The following CNKSR2 variants were observed in gnomAD, a reference collection of about 807,000 sequenced individuals.
CNKSR2 encodes CNK homolog protein 2.
Under a neutral mutation model 84.4 loss-of-function variants are expected in CNKSR2, and 14 were observed. That is an observed-to-expected ratio of 0.17 (90% CI 0.11 to 0.26). The LOEUF is 0.26. Among genes scored for constraint, CNKSR2 ranks in the 10% least tolerant of loss-of-function variants. The pLI is 1.00. For missense variants in CNKSR2, 485 were observed against 771.2 expected (o/e 0.63, Z 4.40); for synonymous variants, 275 against 277.9 (o/e 0.99, Z 0.10).
intron 11 of CNKSR2, among the ~76,000 whole-genome samples, chrX:21,548,131 C>T (rs752228685): frequency 9.0e-6 from 1 of 111,488 alleles, no homozygotes; most frequent in Admixed American, 9.5e-5. Flanking sequence ...TCAGTGAATC[C>T]AAGAGGTGGT....
At chrX:21,601,895 T>A (rs1016903496) in intron 18 of CNKSR2, among the ~76,000 whole-genome samples, 4 of 111,970 alleles carry the variant, frequency 3.6e-5, no homozygotes, top group Admixed American at 2.8e-4. Context: ...TGGTCATCGT[T>A]CTTAGGTGGC....
chrX:21,439,833 T>G (rs1340113772), intron 3 of CNKSR2, among the ~76,000 whole-genome samples: 1 of 110,701 alleles, frequency 9.0e-6, no homozygotes, highest in Non-Finnish European at 1.9e-5. Flanking sequence ...CATTGTTGAA[T>G]TTTATATATT....
In CNKSR2 at chrX:21,434,805, TA is replaced by T. The variant is rs982511456; in HGVS notation, c.431+1999del. Among the ~76,000 whole-genome samples the T allele has an allele frequency of 1.4e-4, 15 of 109,405 alleles. 1 individual carries two copies. The East Asian group carries it at 2.3e-3, about 17-fold the overall frequency. ...GGAGAAAGAAAAAGAAAGAATAGGTTAAAAAAAATCTTTAATTTTATTCTAG... is the reference window on the plus strand; with the variant it reads ...GGAGAAAGAAAAAGAAAGAATAGGTTAAAAAAATCTTTAATTTTATTCTAG... On this transcript the variant is annotated intron_variant, in intron 3 of 21. Coordinates refer to ENST00000379510, the MANE Select transcript of CNKSR2 (RefSeq NM_014927.5).
chrX:21,643,068 A>T (rs997826865), intron 20 of CNKSR2: 59 of 110,650 alleles, frequency 5.3e-4, no homozygotes, highest in Non-Finnish European at 9.3e-4. Context: ...TTTTTTTTTC[A>T]TTAAGGAATA....
chrX:21,521,870 G>A (rs2091787870), intron 9 of CNKSR2, among the ~76,000 whole-genome samples: 1 of 110,490 alleles, frequency 9.1e-6, no homozygotes. Flanking sequence ...TTATAAATTT[G>A]CATTCTAGAA....
chrX:21,631,839 A>G (rs765724318), intron 20 of CNKSR2, among the ~76,000 whole-genome samples: 134 of 112,345 alleles, frequency 1.2e-3, no homozygotes, highest in Non-Finnish European at 2.1e-3. Context: ...GTGAAATGCA[A>G]ATGTTAGTAC....
chrX:21,573,314 G>T (rs1011480947), intron 13 of CNKSR2, among the ~76,000 whole-genome samples: 1 of 112,125 alleles, frequency 8.9e-6, no homozygotes, highest in Non-Finnish European at 1.9e-5. Context: ...AGTGCAAGCT[G>T]TTGGTAGATC....
chrX:21,461,667 A>G (rs189870673), intron 4 of CNKSR2, among the ~76,000 whole-genome samples: 1 of 112,506 alleles, frequency 8.9e-6, no homozygotes, highest in East Asian at 2.8e-4. Context: ...TCATAGGTTG[A>G]GGTCTTAGAT....
chrX:21,490,411 A>C (rs192290934), intron 5 of CNKSR2, 48 bp from the exon 6 acceptor site: 1 of 1,142,979 alleles, frequency 8.7e-7, no homozygotes, highest in Non-Finnish European at 1.2e-6. Flanking sequence ...TTTATATGTT[A>C]CTTACAACAC....
At chrX:21,377,152 T>C (rs1305331110) in intron 1 of CNKSR2, among the ~76,000 whole-genome samples, 1 of 112,189 alleles carries the variant, frequency 8.9e-6, no homozygotes, top group Non-Finnish European at 1.9e-5. Flanking sequence ...TGTATACATA[T>C]GACTGGAAGA....
intron 11 of CNKSR2, among the ~76,000 whole-genome samples, chrX:21,541,887 G>T (rs2091980430): frequency 8.9e-6 from 1 of 111,920 alleles, no homozygotes; most frequent in Admixed American, 9.5e-5. Context: ...CAGTGGTAAT[G>T]CTAGCTAAAT....
At chrX:21,493,811 A>G (rs1439506519) in intron 6 of CNKSR2, 1 of 111,421 alleles carries the variant, frequency 9.0e-6, no homozygotes, top group African/African-American at 3.3e-5. Context: ...CATTACTACT[A>G]TGAGAGGGAG....
At chrX:21,564,182 C>G (rs1180456429) in intron 13 of CNKSR2, among the ~76,000 whole-genome samples, 4 of 111,279 alleles carry the variant, frequency 3.6e-5, no homozygotes, top group Non-Finnish European at 7.5e-5. Flanking sequence ...GAGGAAAGGA[C>G]AGTAGATGGG....
intron 8 of CNKSR2, among the ~76,000 whole-genome samples, chrX:21,509,921 TA>T (rs2091653781): frequency 8.9e-6 from 1 of 111,843 alleles, no homozygotes; most frequent in Non-Finnish European, 1.9e-5. Flanking sequence ...ATGTTTAATT[TA>T]TTAGATACTT....
chrX:21,607,392 G>A (rs1330521774), intron 19 of CNKSR2, among the ~76,000 whole-genome samples: 1 of 111,744 alleles, frequency 8.9e-6, no homozygotes. Context: ...TGTATAGACT[G>A]TACTTTGATC....
chrX:21,646,751 G>A (rs780151390), intron 20 of CNKSR2, among the ~76,000 whole-genome samples: 2 of 111,137 alleles, frequency 1.8e-5, no homozygotes, highest in Non-Finnish European at 3.8e-5. Flanking sequence ...GTTAGGCCTC[G>A]CATTTTCTAC....
intron 20 of CNKSR2, among the ~76,000 whole-genome samples, chrX:21,612,967 C>A (rs2092558162): frequency 8.9e-6 from 1 of 112,194 alleles, no homozygotes; most frequent in Non-Finnish European, 1.9e-5. Flanking sequence ...TAAAAGTACA[C>A]AAATGAGACC....
At chrX:21,558,731 C>CTG (rs1440182185) in intron 11 of CNKSR2, among the ~76,000 whole-genome samples, 4 of 111,034 alleles carry the variant, frequency 3.6e-5, no homozygotes, top group Admixed American at 9.7e-5. Flanking sequence ...ATTTCATATT[C>CTG]TGTGTGTGAA....
chrX:21,401,701 C>T (rs922020907), intron 1 of CNKSR2, among the ~76,000 whole-genome samples: 1 of 111,762 alleles, frequency 8.9e-6, no homozygotes, highest in African/African-American at 3.2e-5. Context: ...TTCTTTTTTA[C>T]CACCTTTGTT....
Sources: gnomAD v4.1 joint callset for allele counts (sites outside exome capture counted in the v4.1 genomes callset) on GRCh38, gnomAD v4.1.1 for gene constraint, MANE v1.5 for transcripts, NCBI Gene and HGNC (gene_info 2026-07-23, HGNC 2026-07-21) for gene names.